The following MAOA variants were observed in gnomAD, a reference collection of about 807,000 sequenced individuals.
MAOA encodes amine oxidase [flavin-containing] A.
A neutral mutation model predicts 42.0 loss-of-function variants in MAOA; 6 were observed. That is an observed-to-expected ratio of 0.14 (90% confidence interval 0.08 to 0.28). MAOA has a LOEUF of 0.28. MAOA is among the 10% of genes least tolerant of loss of function. MAOA has a pLI of 1.00. For synonymous variants in MAOA, 140 were observed against 154.0 expected (o/e 0.91, Z 0.67); for missense variants, 262 against 422.3 (o/e 0.62, Z 3.33).
At chrX:43,720,797 A>C in intron 5 of MAOA, among the ~76,000 whole-genome samples, 1 of 45,490 alleles carries the variant, frequency 2.2e-5, no homozygotes, top group South Asian at 1.2e-3. Context: ...GGGGTGGGGG[A>C]GGGGGGAGGT....
At chrX:43,730,996 C>A (rs1180527415) in intron 6 of MAOA, among the ~76,000 whole-genome samples, 1 of 111,774 alleles carries the variant, frequency 8.9e-6, no homozygotes, top group East Asian at 2.8e-4. Flanking sequence ...TGGAACATTT[C>A]TTCGGGTTCT....
At chrX:43,656,106 C>A (rs1433994840), upstream of MAOA, 1 of 429,718 alleles carries the variant, frequency 2.3e-6, no homozygotes, top group African/African-American at 2.5e-5. Flanking sequence ...GGGTCCGCCC[C>A]GCTCTCAGTG....
chrX:43,708,711 G>A, intron 3 of MAOA, among the ~76,000 whole-genome samples: 1 of 105,233 alleles, frequency 9.5e-6, no homozygotes, highest in Middle Eastern at 4.8e-3. Context: ...CGCCCAGGCT[G>A]GAGTGTAGTG....
chrX:43,666,922 T>G (rs768672298), intron 1 of MAOA, among the ~76,000 whole-genome samples: 49 of 105,075 alleles, frequency 4.7e-4, no homozygotes, highest in African/African-American at 1.7e-3. Context: ...TTGTTCTCAC[T>G]CATAGGTGGG....
At chrX:43,711,716 T>C (rs967357929) in intron 3 of MAOA, among the ~76,000 whole-genome samples, 156 bp from the exon 4 acceptor site, 2 of 112,203 alleles carry the variant, frequency 1.8e-5, no homozygotes, top group Non-Finnish European at 3.8e-5. Context: ...ATAGGTATAA[T>C]GTATTCAGTT....
At chrX:43,659,863 C>G (rs1396940976) in intron 1 of MAOA, among the ~76,000 whole-genome samples, 1 of 111,074 alleles carries the variant, frequency 9.0e-6, no homozygotes, top group Non-Finnish European at 1.9e-5. Context: ...TTGGGGCTAT[C>G]TCTCTTCTCC....
chrX:43,731,500 G>T, intron 7 of MAOA, 110 bp downstream of exon 7: 2 of 955,675 alleles, frequency 2.1e-6, no homozygotes, highest in Non-Finnish European at 2.9e-6. Context: ...ACATGTTTCC[G>T]CCTCAGTCTT....
At chrX:43,678,543 A>G (rs972258122) in intron 1 of MAOA, among the ~76,000 whole-genome samples, 1 of 112,044 alleles carries the variant, frequency 8.9e-6, no homozygotes, top group African/African-American at 3.2e-5. Flanking sequence ...CTCAATAAAT[A>G]TTTCGAAAGA....
chrX:43,708,263 T>C (rs1282072194), intron 3 of MAOA, among the ~76,000 whole-genome samples: 2 of 111,453 alleles, frequency 1.8e-5, no homozygotes, highest in African/African-American at 6.5e-5. Flanking sequence ...CTCCTTTAAT[T>C]TTAAAGAGCA....
At chrX:43,712,067 C>A in intron 4 of MAOA, 91 bp downstream of exon 4, 1 of 685,914 alleles carries the variant, frequency 1.5e-6, no homozygotes, top group South Asian at 2.3e-5. Context: ...GAACATTGCT[C>A]TGGACACCAA....
intron 2 of MAOA, among the ~76,000 whole-genome samples, chrX:43,689,434 T>G (rs1204070877): frequency 2.7e-5 from 3 of 111,872 alleles, no homozygotes; most frequent in African/African-American, 3.2e-5. Flanking sequence ...TCTTTTTAAG[T>G]TTTTTCTTCT....
At chrX:43,675,066 C>T (rs1350942066) in intron 1 of MAOA, among the ~76,000 whole-genome samples, 14 of 111,843 alleles carry the variant, frequency 1.3e-4, no homozygotes, top group Non-Finnish European at 2.3e-4. Flanking sequence ...CCATTCTCCC[C>T]GTCACTTTCA....
rs1175958139 is a variant in MAOA at position 43,681,281 on chromosome X, A to AT, written c.74-2223dup. Among the ~76,000 whole-genome samples the AT allele has an allele frequency of 3.6e-5, 4 of 110,584 alleles. No homozygotes were observed. The Admixed American group carries it at 3.9e-4, about 11-fold the overall frequency. ...TTTTCATTGTACAAAACTAAGAAAT[A>AT]TTTTTTTTTAAAGTTAGAGTATATC... On this transcript the variant is annotated intron_variant, in intron 1 of 14. Coordinates refer to ENST00000338702, the MANE Select transcript of MAOA (RefSeq NM_000240.4).
At chrX:43,735,816 A>G (rs763866589) in intron 9 of MAOA, among the ~76,000 whole-genome samples, 1 of 112,639 alleles carries the variant, frequency 8.9e-6, no homozygotes, top group Non-Finnish European at 1.9e-5. Flanking sequence ...TCCCAAAGGG[A>G]GCCTGGGGGG....
rs149500005 is a variant in MAOA at position 43,685,779 on chromosome X, T to C, written c.168+2172T>C. Among the ~76,000 whole-genome samples, 747 of 111,820 alleles carry C rather than the reference T, an allele frequency of 6.7e-3. 2 individuals carry two copies. Among genetic ancestry groups the C allele is most frequent in the Middle Eastern group, 0.023 (5 of 214 alleles). ...TTGACAACATCTCCAGGGGACACTA[T>C]AGAAGTGCTACTCTGTGGCATTTGT... is the stretch of plus-strand genomic sequence containing the variant. On this transcript the variant is annotated intron_variant, in intron 2 of 14. Coordinates refer to ENST00000338702, the MANE Select transcript of MAOA (RefSeq NM_000240.4).
intron 2 of MAOA, among the ~76,000 whole-genome samples, chrX:43,688,481 A>G (rs2033506322): frequency 8.9e-6 from 1 of 111,773 alleles, no homozygotes; most frequent in African/African-American, 3.3e-5. Context: ...GGTTTTCACC[A>G]CATTGGCCAG....
At chrX:43,723,236 G>A (rs146858777) in intron 5 of MAOA, among the ~76,000 whole-genome samples, 3,596 of 111,419 alleles carry the variant, frequency 0.032, 148 homozygotes, top group African/African-American at 0.11. Context: ...AAAGTCAGTG[G>A]TAGCTTGATG....
At chrX:43,736,872 C>A (rs958282500) in intron 10 of MAOA, among the ~76,000 whole-genome samples, 5 of 110,138 alleles carry the variant, frequency 4.5e-5, no homozygotes, top group Admixed American at 1.9e-4. Flanking sequence ...AAGAGGTAAG[C>A]CTTTTAACAT....
At chrX:43,660,789 A>C (rs1209363874) in intron 1 of MAOA, among the ~76,000 whole-genome samples, 2 of 111,742 alleles carry the variant, frequency 1.8e-5, no homozygotes, top group Admixed American at 9.6e-5. Context: ...CACTGAATTC[A>C]GTTGTTAGTT....
Sources: allele counts gnomAD v4.1 joint callset (sites outside exome capture counted in the v4.1 genomes callset), GRCh38; gene constraint gnomAD v4.1.1; transcripts MANE v1.5; gene names NCBI Gene and HGNC (gene_info 2026-07-23, HGNC 2026-07-21).